The following SRRM1 variants were observed in gnomAD, a reference collection of about 807,000 sequenced individuals.
SRRM1 encodes the protein serine/arginine repetitive matrix protein 1.
In SRRM1, 19 loss-of-function variants were observed where a neutral mutation model predicts 110.2. That is an observed-to-expected ratio of 0.17 (90% CI 0.12 to 0.25). The LOEUF (loss-of-function observed/expected upper bound fraction) is 0.25, where lower values mean the gene tolerates loss of function less well. SRRM1 is among the 10% of genes least tolerant of loss of function. The pLI is 1.00. For missense variants in SRRM1, 918 were observed against 1,145.8 expected (o/e 0.80, Z 2.87); for synonymous variants, 443 against 414.9 (o/e 1.07, Z -0.82).
chr1:24,669,542 C>G lies in SRRM1; in HGVS notation c.2159C>G (p.Pro720Arg). Residue 720 changes from proline (P) to arginine (R), a missense_variant, in exon 14 of 17, where the codon CCC becomes CGC. Around this residue, in one of 5 missense-constraint regions of SRRM1, gnomAD observed 357 missense variants for 402.9 expected, o/e 0.89. Coordinates refer to ENST00000323848, the MANE Select transcript of SRRM1 (RefSeq NM_005839.4). The part of the protein sequence containing the change: ...RRQSPSPSTR[P>R]IRRVSRTPEP... ...CAGTCCCCGTCTCCAAGTACTAGGC[C>G]CATTAGGAGAGTCTCCAGGACTCCG... is the stretch of plus-strand genomic sequence containing the variant. 1 of 1,604,832 alleles carries G rather than the reference C, an allele frequency of 6.2e-7. No individual in the cohort carries two copies. The highest frequency in any genetic ancestry group is 1.7e-4 in the Middle Eastern group (1 of 6,052).
At chr1:24,656,050 A>C (rs1663899047) in intron 9 of SRRM1, among the ~76,000 whole-genome samples, 1 of 152,216 alleles carries the variant, frequency 6.6e-6, no homozygotes, top group East Asian at 1.9e-4. Flanking sequence ...GGCTGGCCTC[A>C]GCCCCATAGC....
In SRRM1 at chr1:24,670,270, G is replaced by A. The variant is rs769142555; in HGVS notation, c.2355G>A (p.Pro785=). The stretch of plus-strand genomic sequence containing the variant: ...CTACAAACTGGTCACCAGCTGTACC[G>A]GTCAAAAAGGCCAAAAGCCCAACAC... The part of the protein sequence containing the change: ...SPSTNWSPAV[P]VKKAKSPTPS... Residue 785 remains proline, a synonymous_variant, in exon 15 of 17, where the codon CCG becomes CCA. Coordinates refer to ENST00000323848, the MANE Select transcript of SRRM1 (RefSeq NM_005839.4). 38 of 1,613,572 alleles carry A rather than the reference G, an allele frequency of 2.4e-5. No individual in the cohort carries two copies. The highest frequency in any genetic ancestry group is 6.7e-5 in the African/African-American group (5 of 74,826).
At chr1:24,648,758 G>A (rs1658907326) in intron 3 of SRRM1, 101 bp from the exon 4 acceptor site, 9 of 1,043,974 alleles carry the variant, frequency 8.6e-6, no homozygotes, top group Non-Finnish European at 1.1e-5. Flanking sequence ...CCCTATGGTA[G>A]ACTTAAAAAA....
In SRRM1 at chr1:24,652,546, T is replaced by C. The variant is rs540605897; in HGVS notation, c.838T>C (p.Ser280Pro). The change falls in exon 7 of 17, where the codon TCA becomes CCA. Residue 280 changes from serine (S) to proline (P), a missense_variant. Physicochemically the swap from Ser to Pro is moderately conservative, Grantham distance 74. This residue lies in a region of SRRM1 where 456 missense variants were observed against 453.5 expected (regional missense o/e 1.01). Transcript: ENST00000323848. Reference sequence around the variant, plus strand: ...GGAGAAGACCCGACCACGATCTCGGTCACGCTCCAAATCAAGATCCCGGAC... The same window carrying C: ...GGAGAAGACCCGACCACGATCTCGGCCACGCTCCAAATCAAGATCCCGGAC... ...EKEKTRPRSR[S>P]RSKSRSRTRS... 6.2e-7 allele frequency: 1 copy of C among 1,613,822 alleles called. No individual in the cohort carries two copies. The highest frequency in any genetic ancestry group is 1.1e-5 in the South Asian group (1 of 91,018).
In SRRM1 at chr1:24,653,011, G is replaced by T. The variant is rs145008888; in HGVS notation, c.1019G>T (p.Arg340Met). ...RRMPPPPRHRRSRSPVRRRRR... is the reference protein window; with the variant it reads ...RRMPPPPRHRMSRSPVRRRRR... ...ATGCCTCCTCCACCAAGGCATAGAA[G>T]GAGTAGATCTCCAGTAAGACGGTAA... The change falls in exon 8 of 17, where the codon AGG (arginine) becomes ATG (methionine). Residue 340 changes from arginine (R) to methionine (M), a missense_variant. This residue lies in a region of SRRM1 where 456 missense variants were observed against 453.5 expected (regional missense o/e 1.01). Coordinates refer to ENST00000323848, the MANE Select transcript of SRRM1 (RefSeq NM_005839.4). The T allele has an allele frequency of 1.9e-6, 3 of 1,613,478 alleles. No individual in the cohort carries two copies. The African/African-American group carries it at 4.0e-5, about 22-fold the overall frequency.
intron 1 of SRRM1, among the ~76,000 whole-genome samples, chr1:24,645,611 A>G (rs150719030): frequency 6.6e-5 from 10 of 152,358 alleles, no homozygotes; most frequent in African/African-American, 2.4e-4. Flanking sequence ...GGCTTTCAAA[A>G]AAGAATGAAA....
At chr1:24,658,365 C>T (rs936266483) in intron 9 of SRRM1, among the ~76,000 whole-genome samples, 3 of 152,096 alleles carry the variant, frequency 2.0e-5, no homozygotes, top group African/African-American at 7.2e-5. Flanking sequence ...CACATGCCAC[C>T]ACACCCAGCT....
chr1:24,667,109 A>G (rs1314125970), intron 13 of SRRM1, among the ~76,000 whole-genome samples, 184 bp downstream of exon 13: 3 of 152,214 alleles, frequency 2.0e-5, no homozygotes, highest in East Asian at 3.8e-4. Flanking sequence ...TCTGATGATT[A>G]TATCTTATTA....
chr1:24,645,143 A>G (rs1656670212), intron 1 of SRRM1, among the ~76,000 whole-genome samples: 1 of 152,230 alleles, frequency 6.6e-6, no homozygotes, highest in African/African-American at 2.4e-5. Context: ...GCAACCCTGC[A>G]GAGTAGGTTT....
At chr1:24,655,373 AC>A (rs1365511167) in intron 9 of SRRM1, among the ~76,000 whole-genome samples, 3 of 152,172 alleles carry the variant, frequency 2.0e-5, no homozygotes, top group Non-Finnish European at 4.4e-5. Flanking sequence ...GAAATCTTTT[AC>A]CAGCCGTGGG....
At chr1:24,652,717 G>A in intron 7 of SRRM1, 89 bp downstream of exon 7, 2 of 1,354,278 alleles carry the variant, frequency 1.5e-6, no homozygotes, top group South Asian at 1.6e-5. Context: ...CAAAGTGGTA[G>A]AAGATGTTTA....
At chr1:24,644,117 C>G (rs1655752306) in intron 1 of SRRM1, among the ~76,000 whole-genome samples, 2 of 152,304 alleles carry the variant, frequency 1.3e-5, no homozygotes, top group South Asian at 4.1e-4. Context: ...CTCTTGGAGT[C>G]CGCTGGTGAA....
At position 24,673,193 on chromosome 1, in the gene SRRM1, T is replaced by TG. The variant is rs397842775; in HGVS notation, c.*907_*908insG. The TG allele has an allele frequency of 3.6e-5, 5 of 138,266 alleles. No homozygotes were observed. Among genetic ancestry groups the TG allele is most frequent in the African/African-American group, 5.1e-5 (2 of 39,494 alleles). 8.6% of individuals were successfully genotyped at this position (138,266 alleles called of 1,614,324 possible). ...TCACTGTTTTTGTTTTGATTTTTTT[T>TG]TTGTTTTGATTTTTTTTAAACTAAA... On this transcript the variant is annotated 3_prime_UTR_variant, in exon 17 of 17. Coordinates refer to ENST00000323848, the MANE Select transcript of SRRM1 (RefSeq NM_005839.4).
chr1:24,657,846 A>G (rs1395187765), intron 9 of SRRM1, among the ~76,000 whole-genome samples: 2 of 152,192 alleles, frequency 1.3e-5, no homozygotes, highest in Admixed American at 1.3e-4. Flanking sequence ...ATTTATTTAG[A>G]TTAGCTTGGC....
At chr1:24,644,176 A>C (rs374731797) in intron 1 of SRRM1, among the ~76,000 whole-genome samples, 106 of 152,162 alleles carry the variant, frequency 7.0e-4, no homozygotes, top group African/African-American at 2.5e-3. Flanking sequence ...CATCGCCTGC[A>C]GGCAGGGAAG....
Position 24,645,974 on chromosome 1 carries a change from C to T in SRRM1, c.22-10C>T, listed in dbSNP as rs780004559. The T allele has an allele frequency of 9.2e-5, 149 of 1,611,614 alleles. No homozygotes were observed. Among genetic ancestry groups the T allele is most frequent in the Non-Finnish European group, 1.2e-4 (139 of 1,178,552 alleles). On this transcript the variant is annotated splice_polypyrimidine_tract_variant and intron_variant, in intron 1 of 16. Transcript: ENST00000323848. Reference sequence around the variant, plus strand: ...GAACCCTTAGTTAAGATGTGGTTCTCTTCCTGCAGGGAACAAGTGCAGAAC... The same window carrying T: ...GAACCCTTAGTTAAGATGTGGTTCTTTTCCTGCAGGGAACAAGTGCAGAAC...
Position 24,671,579 on chromosome 1 carries a change from C to T in SRRM1, c.2594C>T (p.Ala865Val), listed in dbSNP as rs532633006. Residue 865 changes from alanine to valine, a missense_variant, in exon 16 of 17, where the codon GCG becomes GTG. Coordinates refer to ENST00000323848, the MANE Select transcript of SRRM1 (RefSeq NM_005839.4). ...TTAGCACAGGAAGAGCCAGTGGCAGCGCCAGAGCCGAAGAAGGTATTTATG... is the reference window on the plus strand; with the variant it reads ...TTAGCACAGGAAGAGCCAGTGGCAGTGCCAGAGCCGAAGAAGGTATTTATG... The part of the protein sequence containing the change: ...TTLAQEEPVA[A>V]PEPKKETESE... The T allele has an allele frequency of 3.0e-5, 47 of 1,592,346 alleles. No homozygotes were observed. The highest frequency in any genetic ancestry group is 4.1e-5 in the African/African-American group (3 of 73,416).
At chr1:24,654,799 G>T in intron 8 of SRRM1, 56 bp from the exon 9 acceptor site, 1 of 1,603,110 alleles carries the variant, frequency 6.2e-7, no homozygotes, top group South Asian at 1.1e-5. Context: ...GTTCATACCT[G>T]TAAGGCCGTT....
At chr1:24,652,324 T>C in intron 6 of SRRM1, 110 bp from the exon 7 acceptor site, 1 of 737,990 alleles carries the variant, frequency 1.4e-6, no homozygotes, top group African/African-American at 1.8e-5. Context: ...TAGAGACAAG[T>C]CTGTGAATTT....
Sources: gnomAD v4.1 joint callset for allele counts (sites outside exome capture counted in the v4.1 genomes callset) on GRCh38, gnomAD v4.1.1 for gene constraint, gnomAD v4.1.1 regional missense constraint, MANE v1.5 for transcripts, NCBI Gene and HGNC (gene_info 2026-07-23, HGNC 2026-07-21) for gene names.